The following CDC5L variants were observed in gnomAD, a reference collection of about 807,000 sequenced individuals.
The protein encoded by CDC5L is cell division cycle 5 like.
Under a neutral mutation model 104.1 loss-of-function variants are expected in CDC5L, and 18 were observed. The ratio of observed to expected loss-of-function variants is 0.17; its 90% CI spans 0.12 to 0.26. CDC5L has a LOEUF of 0.26. CDC5L is among the 10% of genes least tolerant of loss of function. The pLI is 1.00. For missense variants in CDC5L, 673 were observed against 956.9 expected, an observed-to-expected ratio of 0.70 and a Z score of 3.91; for synonymous variants, 331 against 322.7, an observed-to-expected ratio of 1.03 and a Z score of -0.28.
rs947391628 is a variant in CDC5L at position 44,447,518 on chromosome 6, A to T, written c.*807A>T. ...TAGAGGTGGAGATATTTAATTTTAT[A>T]TAATTCATATAAATTGATTTAGTTA... On this transcript the variant is annotated 3_prime_UTR_variant, in exon 16 of 16. Transcript: ENST00000371477. The T allele has an allele frequency of 4.6e-5, 7 of 152,232 alleles. No homozygotes were observed. Among genetic ancestry groups the T allele is most frequent in the African/African-American group, 1.7e-4 (7 of 41,462 alleles). The allele number at this position is 152,232 out of a possible 1,614,324, so 9.4% of individuals were successfully genotyped here.
At chr6:44,426,294 A>T in intron 12 of CDC5L, 111 bp downstream of exon 12, 1 of 817,912 alleles carries the variant, frequency 1.2e-6, no homozygotes, top group South Asian at 1.8e-5. Flanking sequence ...ACTTTCTGGA[A>T]TATAGCAAAG....
Position 44,450,404 on chromosome 6 carries a change from T to C in CDC5L, c.*3693T>C, listed in dbSNP as rs1191116243. The stretch of plus-strand genomic sequence containing the variant: ...TTTTTAAATTTAAGCAACTTTAAAT[T>C]AAAAAAATTGTTTTTAAAATATATT... On this transcript the variant is annotated 3_prime_UTR_variant, in exon 16 of 16. Transcript: ENST00000371477. The C allele has an allele frequency of 1.3e-5, 2 of 152,200 alleles. No homozygotes were observed. The highest frequency in any genetic ancestry group is 1.3e-4 in the Admixed American group (2 of 15,280). 9.4% of individuals were successfully genotyped at this position (152,200 alleles called of 1,614,324 possible). A position where few individuals can be genotyped will look rare whatever the true frequency, so the allele number is the denominator to read the frequency against.
intron 1 of CDC5L, 149 bp from the exon 2 acceptor site, chr6:44,390,119 G>T: frequency 1.7e-6 from 1 of 578,888 alleles, no homozygotes; most frequent in Admixed American, 3.2e-5. Context: ...AGTTAATGAG[G>T]TTTTCATCCT....
Position 44,429,278 on chromosome 6 carries a change from C to T in CDC5L, c.1894-435C>T, listed in dbSNP as rs11572034. ...CTCGTTATCCGCCCACCTCAGCCTCCCGAAGTGCTGGGATCATAGGAGGGA... is the reference window on the plus strand; with the variant it reads ...CTCGTTATCCGCCCACCTCAGCCTCTCGAAGTGCTGGGATCATAGGAGGGA... On this transcript the variant is annotated intron_variant, in intron 13 of 15. Transcript: ENST00000371477. 1.6e-3 allele frequency among the ~76,000 whole-genome samples: 239 copies of T among 152,180 alleles called. 2 individuals are homozygous for T. Among genetic ancestry groups the T allele is most frequent in the African/African-American group, 5.4e-3 (224 of 41,508 alleles).
At chr6:44,433,227 A>C (rs1792770901) in intron 14 of CDC5L, among the ~76,000 whole-genome samples, 1 of 152,196 alleles carries the variant, frequency 6.6e-6, no homozygotes, top group South Asian at 2.1e-4. Flanking sequence ...GATAACAGCA[A>C]GGAACAAGGC....
chr6:44,393,630 C>T (rs1790721695), intron 4 of CDC5L, 57 bp downstream of exon 4: 1 of 1,536,512 alleles, frequency 6.5e-7, no homozygotes, highest in Non-Finnish European at 8.8e-7. Flanking sequence ...CCTTGGGCCT[C>T]ACTCTTTTAG....
intron 8 of CDC5L, among the ~76,000 whole-genome samples, chr6:44,409,775 T>G (rs1325679867): frequency 1.3e-5 from 2 of 152,176 alleles, no homozygotes; most frequent in Non-Finnish European, 2.9e-5. Context: ...TTATAGCTTG[T>G]TCTTTTGATT....
At chr6:44,402,848 T>C (rs1180651037) in intron 5 of CDC5L, among the ~76,000 whole-genome samples, 2 of 152,164 alleles carry the variant, frequency 1.3e-5, no homozygotes, top group African/African-American at 4.8e-5. Context: ...TTTATAGCCT[T>C]TTAAAAGTTT....
At chr6:44,429,015 CTTTTTT>C (rs922435895) in intron 13 of CDC5L, among the ~76,000 whole-genome samples, 30 of 95,612 alleles carry the variant, frequency 3.1e-4, no homozygotes, top group African/African-American at 1.2e-3. Flanking sequence ...GTTTCATTAG[CTTTTTT>C]TTTTTTTTTT....
At chr6:44,437,666 G>GT (rs1295998775) in intron 14 of CDC5L, among the ~76,000 whole-genome samples, 2 of 152,226 alleles carry the variant, frequency 1.3e-5, no homozygotes, top group African/African-American at 4.8e-5. Flanking sequence ...ATGAGGTGAG[G>GT]TAATTCCAAG....
At position 44,390,049 on chromosome 6, in the gene CDC5L, G is replaced by A. The variant is rs944905050; in HGVS notation, c.46-219G>A. The stretch of plus-strand genomic sequence containing the variant: ...TATTGGAGAGTGTGGTGTAAGGGTG[G>A]GTAGCTGTCTTTCTAAGGGATTTCT... On this transcript the variant is annotated intron_variant, in intron 1 of 15. Coordinates refer to ENST00000371477, the MANE Select transcript of CDC5L (RefSeq NM_001253.4). Among the ~76,000 whole-genome samples the A allele has an allele frequency of 1.3e-4, 20 of 152,158 alleles. No individual in the cohort carries two copies. In the South Asian group the frequency reaches 1.5e-3, roughly 11 times the overall value.
intron 14 of CDC5L, among the ~76,000 whole-genome samples, chr6:44,434,285 T>C (rs902764488): frequency 6.6e-6 from 1 of 152,224 alleles, no homozygotes; most frequent in Non-Finnish European, 1.5e-5. Flanking sequence ...ACTGTCCTTA[T>C]AAAGGTTTTT....
At position 44,427,803 on chromosome 6, in the gene CDC5L, T is replaced by A. The variant is rs555816247; in HGVS notation, c.1893+1079T>A. On this transcript the variant is annotated intron_variant, in intron 13 of 15. Coordinates refer to ENST00000371477, the MANE Select transcript of CDC5L (RefSeq NM_001253.4). Reference sequence around the variant, plus strand: ...ATTGATACTTGCACAGTTTCCTCTTTTGAAAGTGAAAATATGAGGGGAAGA... The same window carrying A: ...ATTGATACTTGCACAGTTTCCTCTTATGAAAGTGAAAATATGAGGGGAAGA... Among the ~76,000 whole-genome samples the A allele has an allele frequency of 7.6e-4, 116 of 152,244 alleles. 1 individual carries two copies. The Middle Eastern group carries it at 0.01, about 13-fold the overall frequency.
At chr6:44,415,050 A>G (rs1005331273) in intron 8 of CDC5L, among the ~76,000 whole-genome samples, 13 of 152,192 alleles carry the variant, frequency 8.5e-5, no homozygotes, top group Middle Eastern at 3.4e-3. Context: ...TTCCCGTTGT[A>G]TGTTCTTAGC....
intron 2 of CDC5L, 82 bp downstream of exon 2, chr6:44,390,453 A>G: frequency 1.1e-6 from 1 of 878,000 alleles, no homozygotes; most frequent in South Asian, 1.5e-5. Context: ...GAACCTTATC[A>G]AAGAAAGCAG....
intron 14 of CDC5L, among the ~76,000 whole-genome samples, chr6:44,442,734 A>T (rs936669650): frequency 3.3e-5 from 5 of 152,202 alleles, no homozygotes; most frequent in African/African-American, 1.2e-4. Flanking sequence ...ACTCACTGCC[A>T]TTAGAGTATT....
intron 8 of CDC5L, among the ~76,000 whole-genome samples, chr6:44,411,337 A>G (rs1791612755): frequency 6.6e-6 from 1 of 152,006 alleles, no homozygotes; most frequent in Admixed American, 6.6e-5. Flanking sequence ...GGTCAGTGTT[A>G]GTTGTTTTTG....
At position 44,437,471 on chromosome 6, in the gene CDC5L, T is replaced by G. The variant is rs114124291; in HGVS notation, c.2091+7561T>G. On this transcript the variant is annotated intron_variant, in intron 14 of 15. Coordinates refer to ENST00000371477, the MANE Select transcript of CDC5L (RefSeq NM_001253.4). The stretch of plus-strand genomic sequence containing the variant: ...TTATTTGGCTAAATTAATTTTTTTC[T>G]GTGCTTAAGTTAATTTTTGTACAAT... 7.1e-3 allele frequency among the ~76,000 whole-genome samples: 1,083 copies of G among 152,358 alleles called. 15 individuals carry two copies. Among genetic ancestry groups the G allele is most frequent in the African/African-American group, 0.024 (997 of 41,586 alleles).
At chr6:44,443,468 AT>A (rs763140675) in intron 14 of CDC5L, among the ~76,000 whole-genome samples, 1 of 151,694 alleles carries the variant, frequency 6.6e-6, no homozygotes, top group Non-Finnish European at 1.5e-5. Flanking sequence ...CTGGCACCTG[AT>A]AATGCATAAG....
Sources: allele counts gnomAD v4.1 joint callset (sites outside exome capture counted in the v4.1 genomes callset), GRCh38; gene constraint gnomAD v4.1.1; transcripts MANE v1.5; gene names NCBI Gene and HGNC (gene_info 2026-07-23, HGNC 2026-07-21).